AP1M1: variants seen among roughly 807,000 people sequenced by gnomAD.
AP1M1 encodes the protein adaptor related protein complex 1 subunit mu 1.
AP1M1 carries 18 observed loss-of-function variants against 57.1 expected under a neutral mutation model. The observed-to-expected ratio is 0.32, with a 90% CI of 0.22 to 0.47. The LOEUF (loss-of-function observed/expected upper bound fraction) is 0.47. Ranked by LOEUF, AP1M1 falls within the 20% of genes least tolerant of loss-of-function variation. The pLI is 1.00. For missense variants in AP1M1, 362 were observed against 593.5 expected, an observed-to-expected ratio of 0.61 and a Z score of 4.05; for synonymous variants, 241 against 237.9, an observed-to-expected ratio of 1.01 and a Z score of -0.12.
intron 5 of AP1M1, among the ~76,000 whole-genome samples, chr19:16,213,705 C>G (rs1211688412): frequency 6.6e-6 from 1 of 152,146 alleles, no homozygotes; most frequent in Non-Finnish European, 1.5e-5. Context: ...GTTGGCCAGG[C>G]TGGTCTCGAA....
Position 16,243,608 on chromosome 19 carries a change from C to T in AP1M1, c.*9173C>T, listed in dbSNP as rs1368417614. On this transcript the variant is annotated 3_prime_UTR_variant, in exon 12 of 12. Transcript: ENST00000291439. ...GAGATTTTAAAGCACATTTTTCAAT[C>T]ACCATGTGTCAAAGAAGAAAATATA... 1 of 152,012 alleles carries T rather than the reference C, an allele frequency of 6.6e-6. No homozygotes were observed. The highest frequency in any genetic ancestry group is 1.5e-5 in the Non-Finnish European group (1 of 68,026). 9.4% of individuals were successfully genotyped at this position (152,012 alleles called of 1,614,324 possible).
At chr19:16,212,264 G>C (rs2091498009) in intron 5 of AP1M1, among the ~76,000 whole-genome samples, 1 of 152,034 alleles carries the variant, frequency 6.6e-6, no homozygotes, top group East Asian at 1.9e-4. Context: ...ATTTATTACT[G>C]ATGCAATTTT....
At chr19:16,209,407 T>G (rs2091484054) in intron 5 of AP1M1, among the ~76,000 whole-genome samples, 1 of 152,110 alleles carries the variant, frequency 6.6e-6, no homozygotes, top group African/African-American at 2.4e-5. Flanking sequence ...CTCGGCTCAC[T>G]GCAACCTCCG....
chr19:16,203,731 C>A lies in AP1M1; in HGVS notation c.199+116C>A. ...TGCACAGCGCAAGCATTGGACACAG[C>A]CATGCCCTCCTGGAGCTCCCTGCTG... On this transcript the variant is annotated intron_variant, in intron 2 of 11. Coordinates refer to ENST00000291439, the MANE Select transcript of AP1M1 (RefSeq NM_032493.4). The surrounding 1 kb of genome is among the most constrained non-coding windows in gnomAD (Gnocchi z 4.6). 3 of 1,127,806 alleles carry A rather than the reference C, an allele frequency of 2.7e-6. No individual in the cohort carries two copies. The highest frequency in any genetic ancestry group is 1.5e-5 in the South Asian group (1 of 65,062). The allele number at this position is 1,127,806 out of a possible 1,614,324, so 69.9% of individuals were successfully genotyped here.
At chr19:16,214,292 C>T (rs1294371486) in intron 5 of AP1M1, among the ~76,000 whole-genome samples, 5 of 150,818 alleles carry the variant, frequency 3.3e-5, no homozygotes, top group Admixed American at 6.6e-5. Context: ...GACCTGACCT[C>T]GTGATCCACC....
chr19:16,243,432 C>CTTTTTTTTTTTTTTT lies in AP1M1; in HGVS notation c.*8998_*8999insTTTTTTTTTTTTTTT, dbSNP rs550578052. On this transcript the variant is annotated 3_prime_UTR_variant, in exon 12 of 12. Coordinates refer to ENST00000291439, the MANE Select transcript of AP1M1 (RefSeq NM_032493.4). The stretch of plus-strand genomic sequence containing the variant: ...TACAGGTGAGCACCACCAAGCTCAG[C>CTTTTTTTTTTTTTTT]TATTTTTTTTTTTTTTTTGTATTTT... The CTTTTTTTTTTTTTTT allele has an allele frequency of 8.0e-6, 1 of 124,264 alleles. No individual in the cohort carries two copies. Among genetic ancestry groups the CTTTTTTTTTTTTTTT allele is most frequent in the Non-Finnish European group, 1.6e-5 (1 of 60,830 alleles). The allele number at this position is 124,264 out of a possible 1,614,324, so 7.7% of individuals were successfully genotyped here. A position where few individuals can be genotyped will look rare whatever the true frequency, so the allele number is the denominator to read the frequency against.
intron 4 of AP1M1, among the ~76,000 whole-genome samples, chr19:16,208,656 C>CA (rs1447611780): frequency 2.0e-5 from 3 of 152,216 alleles, no homozygotes; most frequent in African/African-American, 7.2e-5. Flanking sequence ...CCTGCTCCTT[C>CA]AGCAGGATGG....
intron 9 of AP1M1, among the ~76,000 whole-genome samples, chr19:16,230,642 G>A (rs545618846): frequency 1.7e-3 from 263 of 152,172 alleles, no homozygotes; most frequent in Non-Finnish European, 2.7e-3. Flanking sequence ...CTTGTGATCC[G>A]CCTGACTCAG....
rs977847342 is a variant in AP1M1, at chr19:16,234,734, G to C, written c.*299G>C. The stretch of plus-strand genomic sequence containing the variant: ...AGGTTACAGCCTTTTATGCTGTTGA[G>C]CTCCCAGGTACCAAAAAGCTTGGCC... On this transcript the variant is annotated 3_prime_UTR_variant, in exon 12 of 12. Coordinates refer to ENST00000291439, the MANE Select transcript of AP1M1 (RefSeq NM_032493.4). The C allele has an allele frequency of 5.7e-5, 28 of 494,954 alleles. No homozygotes were observed. Among genetic ancestry groups the C allele is most frequent in the African/African-American group, 5.4e-4 (28 of 52,018 alleles). 30.7% of individuals were successfully genotyped at this position (494,954 alleles called of 1,614,324 possible).
At position 16,212,774 on chromosome 19, in the gene AP1M1, C is replaced by G. The variant is rs147464569; in HGVS notation, c.546+3597C>G. On this transcript the variant is annotated intron_variant, in intron 5 of 11. Coordinates refer to ENST00000291439, the MANE Select transcript of AP1M1 (RefSeq NM_032493.4). ...TCTTAACACTGCCCTAGCCGTGTCC[C>G]AGAGATTCTGGTCTGTTGTATCTTT... Among the ~76,000 whole-genome samples, 10 of 152,290 alleles carry G rather than the reference C, an allele frequency of 6.6e-5. 1 individual carries two copies. The highest frequency in any genetic ancestry group is 2.4e-4 in the African/African-American group (10 of 41,552).
At chr19:16,229,959 G>A (rs1436345152) in intron 9 of AP1M1, among the ~76,000 whole-genome samples, 2 of 152,180 alleles carry the variant, frequency 1.3e-5, no homozygotes, top group Non-Finnish European at 2.9e-5. Flanking sequence ...GAGGGGTGGT[G>A]ACCATCCCGG....
At position 16,206,315 on chromosome 19, in the gene AP1M1, G is replaced by C. The variant is rs772377095; in HGVS notation, c.200-26G>C. ...CAGGCAGCAGCCCCAGCCTCTGAAT[G>C]CTCCTTAACTGTGGCCGCCATGCAG... On this transcript the variant is annotated intron_variant, in intron 2 of 11. Transcript: ENST00000291439. The surrounding 1 kb of genome is among the most constrained non-coding windows in gnomAD (Gnocchi z 4.3). 2 of 1,613,390 alleles carry C rather than the reference G, an allele frequency of 1.2e-6. No homozygotes were observed. Among genetic ancestry groups the C allele is most frequent in the Non-Finnish European group, 1.7e-6 (2 of 1,179,520 alleles).
Position 16,234,747 on chromosome 19 carries a change from A to G in AP1M1, c.*312A>G. ...TTATGCTGTTGAGCTCCCAGGTACC[A>G]AAAAGCTTGGCCAACGCTTGCCAGC... On this transcript the variant is annotated 3_prime_UTR_variant, in exon 12 of 12. Transcript: ENST00000291439. 2.2e-6 allele frequency: 1 copy of G among 458,628 alleles called. No homozygotes were observed. The highest frequency in any genetic ancestry group is 3.5e-5 in the East Asian group (1 of 28,866). The allele number at this position is 458,628 out of a possible 1,614,324, so 28.4% of individuals were successfully genotyped here. A position where few individuals can be genotyped will look rare whatever the true frequency, so the allele number is the denominator to read the frequency against.
In AP1M1 at chr19:16,228,005, G is replaced by A. The variant is rs2091578699; in HGVS notation, c.817-132G>A. ...GCCCTGGCCCTCCCTGACGCTGGCT[G>A]TACGCTCCCTGCAGGGCTCTGGGCC... On this transcript the variant is annotated intron_variant, in intron 7 of 11. Transcript: ENST00000291439. This position sits in a 1 kb window ranked among gnomAD's most constrained non-coding sequence, Gnocchi z 5.0. The A allele has an allele frequency of 5.1e-6, 5 of 979,404 alleles. No homozygotes were observed. Among genetic ancestry groups the A allele is most frequent in the South Asian group, 1.4e-5 (1 of 69,654 alleles). 60.7% of individuals were successfully genotyped at this position (979,404 alleles called of 1,614,324 possible).
At chr19:16,210,904 A>G (rs1323286234) in intron 5 of AP1M1, among the ~76,000 whole-genome samples, 1 of 152,116 alleles carries the variant, frequency 6.6e-6, no homozygotes, top group African/African-American at 2.4e-5. Context: ...ATTGCTTTAC[A>G]TGTTTCTTTG....
chr19:16,225,573 T>A lies in AP1M1; in HGVS notation c.547-848T>A, dbSNP rs535235340. ...GCAGGACCGTCGCCCCGGTGTGGATTTTCAGTTGCACTTTCAGATGCATCT... is the reference window on the plus strand; with the variant it reads ...GCAGGACCGTCGCCCCGGTGTGGATATTCAGTTGCACTTTCAGATGCATCT... On this transcript the variant is annotated intron_variant, in intron 5 of 11. Coordinates refer to ENST00000291439, the MANE Select transcript of AP1M1 (RefSeq NM_032493.4). 2.3e-3 allele frequency among the ~76,000 whole-genome samples: 343 copies of A among 152,268 alleles called. 2 individuals carry two copies. Among genetic ancestry groups the A allele is most frequent in the Non-Finnish European group, 2.7e-3 (182 of 68,010 alleles).
intron 4 of AP1M1, chr19:16,208,790 C>A: frequency 2.2e-6 from 1 of 460,382 alleles, no homozygotes; most frequent in African/African-American, 1.9e-5. Context: ...AAAATGAGCA[C>A]TTCAGCCTCT....
At chr19:16,223,973 T>C (rs973426954) in intron 5 of AP1M1, among the ~76,000 whole-genome samples, 2 of 152,170 alleles carry the variant, frequency 1.3e-5, no homozygotes, top group African/African-American at 4.8e-5. Context: ...TCAGGTCCCG[T>C]TTCTGACGGC....
Position 16,239,596 on chromosome 19 carries a change from A to G in AP1M1, c.*5161A>G, listed in dbSNP as rs951956914. ...TCAGGAGTTTGAGACCAGCCTGGCC[A>G]ACATGGTAAAACCTGATTGCTACTA... is the stretch of plus-strand genomic sequence containing the variant. On this transcript the variant is annotated 3_prime_UTR_variant, in exon 12 of 12. Coordinates refer to ENST00000291439, the MANE Select transcript of AP1M1 (RefSeq NM_032493.4). 2 of 152,044 alleles carry G rather than the reference A, an allele frequency of 1.3e-5. No individual in the cohort carries two copies. Among genetic ancestry groups the G allele is most frequent in the Admixed American group, 1.3e-4 (2 of 15,258 alleles). 9.4% of individuals were successfully genotyped at this position (152,044 alleles called of 1,614,324 possible).
Sources: allele counts gnomAD v4.1 joint callset (sites outside exome capture counted in the v4.1 genomes callset), GRCh38; gene constraint gnomAD v4.1.1; non-coding constraint Gnocchi (gnomAD v3.1); transcripts MANE v1.5; gene names NCBI Gene and HGNC (gene_info 2026-07-23, HGNC 2026-07-21).